C3orf70: variants seen among roughly 807,000 people sequenced by gnomAD.
C3orf70 encodes the protein UPF0524 protein C3orf70.
Under a neutral mutation model 20.7 loss-of-function variants are expected in C3orf70, and 15 were observed. That is an observed-to-expected ratio of 0.72 (90% CI 0.48 to 1.11). The LOEUF is 1.11. C3orf70 is among the 50% of genes most tolerant of loss of function. C3orf70 has a pLI of 0.00. For synonymous variants in C3orf70, 161 were observed against 125.7 expected, an observed-to-expected ratio of 1.28 and a Z score of -1.88; for missense variants, 332 against 317.6, an observed-to-expected ratio of 1.05 and a Z score of -0.34.
At chr3:185,135,839 A>G (rs1716612681) in intron 1 of C3orf70, among the ~76,000 whole-genome samples, 1 of 152,222 alleles carries the variant, frequency 6.6e-6, no homozygotes, top group African/African-American at 2.4e-5. Flanking sequence ...CAAAAATATT[A>G]GAGATAATTC....
At chr3:185,144,465 ATTGT>A (rs1163262113) in intron 1 of C3orf70, among the ~76,000 whole-genome samples, 3 of 151,886 alleles carry the variant, frequency 2.0e-5, no homozygotes, top group Non-Finnish European at 4.4e-5. Context: ...CTTGCAATAT[ATTGT>A]TTATTTATTT....
intron 1 of C3orf70, among the ~76,000 whole-genome samples, chr3:185,122,009 G>A (rs1716307340): frequency 6.6e-6 from 1 of 150,382 alleles, no homozygotes; most frequent in Non-Finnish European, 1.5e-5. Flanking sequence ...GGAGGCAGGA[G>A]AATGGCGTGA....
At chr3:185,128,725 C>T (rs73190989) in intron 1 of C3orf70, among the ~76,000 whole-genome samples, 1 of 152,086 alleles carries the variant, frequency 6.6e-6, no homozygotes, top group Non-Finnish European at 1.5e-5. Flanking sequence ...TAAACAGATG[C>T]CTGATTGAAG....
chr3:185,094,976 G>A (rs950100050), intron 1 of C3orf70, among the ~76,000 whole-genome samples: 2 of 152,206 alleles, frequency 1.3e-5, no homozygotes, highest in South Asian at 2.1e-4. Context: ...TAGGAAAACA[G>A]TGCAGAGAAG....
chr3:185,121,073 T>A (rs1288919643), intron 1 of C3orf70, among the ~76,000 whole-genome samples: 1 of 152,158 alleles, frequency 6.6e-6, no homozygotes, highest in African/African-American at 2.4e-5. Context: ...AGTAATGGCA[T>A]CCACAGCAAC....
Position 185,083,115 on chromosome 3 carries a change from T to G in C3orf70, c.645A>C (p.Ser215=). Residue 215 remains serine (S), a synonymous_variant, in exon 2 of 2, where the codon TCA becomes TCC. Transcript: ENST00000335012. ...TGCTCTCTGGACTGTAATCTTCCTC[T>G]GAACTCAGTTCTGCTCCTTCTTCTG... is the stretch of plus-strand genomic sequence containing the variant. The part of the protein sequence containing the change: ...EDTEEGAELS[S]EEDYSPESSW... 6.2e-7 allele frequency: 1 copy of G among 1,614,162 alleles called. No individual in the cohort carries two copies. The highest frequency in any genetic ancestry group is 8.5e-7 in the Non-Finnish European group (1 of 1,180,022).
intron 1 of C3orf70, among the ~76,000 whole-genome samples, chr3:185,089,247 CATTT>C (rs138781625): frequency 8.1e-4 from 123 of 151,996 alleles, no homozygotes; most frequent in Admixed American, 5.6e-3. Context: ...CCTTCTCCCT[CATTT>C]ATTTATTTAT....
At chr3:185,100,936 T>TA (rs1577322065) in intron 1 of C3orf70, among the ~76,000 whole-genome samples, 1 of 151,860 alleles carries the variant, frequency 6.6e-6, no homozygotes, top group Middle Eastern at 3.4e-3. Context: ...AGAAAACCTG[T>TA]AAAAAATGGA....
At chr3:185,085,476 G>A (rs552287366) in intron 1 of C3orf70, among the ~76,000 whole-genome samples, 1 of 151,972 alleles carries the variant, frequency 6.6e-6, no homozygotes, top group South Asian at 2.1e-4. Context: ...TTTCATCCTG[G>A]GGTACCATAT....
chr3:185,101,195 C>T (rs1018154667), intron 1 of C3orf70, among the ~76,000 whole-genome samples: 2 of 152,188 alleles, frequency 1.3e-5, no homozygotes, highest in Non-Finnish European at 2.9e-5. Context: ...AGGCCAGCAT[C>T]ATCCTGATAC....
chr3:185,148,084 C>G (rs1370115453), intron 1 of C3orf70, among the ~76,000 whole-genome samples: 3 of 152,224 alleles, frequency 2.0e-5, no homozygotes, highest in Non-Finnish European at 4.4e-5. Context: ...AAAGAAAACA[C>G]TCTGGTGTTG....
chr3:185,101,623 C>A (rs1715825871), intron 1 of C3orf70, among the ~76,000 whole-genome samples: 1 of 152,190 alleles, frequency 6.6e-6, no homozygotes, highest in Admixed American at 6.5e-5. Flanking sequence ...GGTACATTTT[C>A]ACATGGCTGG....
At position 185,098,884 on chromosome 3, in the gene C3orf70, G is replaced by A. The variant is rs76319964; in HGVS notation, c.197-15321C>T. 7.3e-3 allele frequency among the ~76,000 whole-genome samples: 1,110 copies of A among 152,248 alleles called. 21 individuals are homozygous for A. The highest frequency in any genetic ancestry group is 0.025 in the African/African-American group (1,055 of 41,544). On this transcript the variant is annotated intron_variant, in intron 1 of 1. Coordinates refer to ENST00000335012, the MANE Select transcript of C3orf70 (RefSeq NM_001025266.3). ...AGAGAAAAATCTCCAGTGATTTCCC[G>A]TGGGCGTCATCCACACTGTCAGCTC...
intron 1 of C3orf70, among the ~76,000 whole-genome samples, chr3:185,122,921 C>T (rs1409692145): frequency 3.3e-5 from 5 of 151,450 alleles, no homozygotes; most frequent in South Asian, 2.1e-4. Flanking sequence ...TTTGGGAGGC[C>T]GACGCAGGTG....
chr3:185,140,975 A>T (rs1716739455), intron 1 of C3orf70, among the ~76,000 whole-genome samples: 1 of 150,104 alleles, frequency 6.7e-6, no homozygotes, highest in Admixed American at 6.6e-5. Context: ...TCACCAAAAA[A>T]AAAAAAGAAA....
rs77269967 is a variant in C3orf70 at position 185,085,648 on chromosome 3, T to A, written c.197-2085A>T. ...GTTTAAAATATACCAGGCGTCTTCA[T>A]TTCTCCAGCTCTTTAAAAGGTAATT... On this transcript the variant is annotated intron_variant, in intron 1 of 1. Transcript: ENST00000335012. Among the ~76,000 whole-genome samples, 95 of 148,974 alleles carry A rather than the reference T, an allele frequency of 6.4e-4. No individual in the cohort carries two copies. In the East Asian group the frequency reaches 0.018, roughly 28 times the overall value.
chr3:185,150,378 T>G (rs958313740), intron 1 of C3orf70, among the ~76,000 whole-genome samples: 1 of 152,164 alleles, frequency 6.6e-6, no homozygotes, highest in East Asian at 1.9e-4. Context: ...ACAAACAGCT[T>G]ATAAATATAT....
chr3:185,113,285 C>CAAAAAAAAAAAAAAAA (rs55966497), intron 1 of C3orf70, among the ~76,000 whole-genome samples: 50 of 138,314 alleles, frequency 3.6e-4, no homozygotes, highest in East Asian at 8.2e-4. Context: ...CTAAAAAATA[C>CAAAAAAAAAAAAAAAA]AAAAAAGAAA....
At chr3:185,091,938 T>C (rs1387518845) in intron 1 of C3orf70, among the ~76,000 whole-genome samples, 8 of 4,708 alleles carry the variant, frequency 1.7e-3, no homozygotes, top group Admixed American at 2.8e-3. Flanking sequence ...TATATATATA[T>C]ATATATATAT....
Sources: gnomAD v4.1 joint callset for allele counts (sites outside exome capture counted in the v4.1 genomes callset) on GRCh38, gnomAD v4.1.1 for gene constraint, MANE v1.5 for transcripts, NCBI Gene and HGNC (gene_info 2026-07-23, HGNC 2026-07-21) for gene names.